The following ST6GAL1 variants were observed in gnomAD, a reference collection of about 807,000 sequenced individuals.
ST6GAL1 encodes the protein beta-galactoside alpha-2,6-sialyltransferase 1.
ST6GAL1 carries 20 observed loss-of-function variants against 38.0 expected under a neutral mutation model. The ratio of observed to expected loss-of-function variants is 0.53; its 90% CI spans 0.37 to 0.77. ST6GAL1 has a LOEUF of 0.77. ST6GAL1 is among the 30% of genes least tolerant of loss of function. The pLI, the probability that ST6GAL1 is intolerant of heterozygous loss-of-function variation, is 0.00. For synonymous variants in ST6GAL1, 196 were observed against 188.2 expected (o/e 1.04, Z -0.34); for missense variants, 432 against 496.4 (o/e 0.87, Z 1.23).
rs763097294 is a variant in ST6GAL1 at position 187,051,330 on chromosome 3, G to A, written c.689G>A (p.Arg230His). Residue 230 changes from arginine to histidine, a missense_variant, in exon 5 of 8, where the codon CGC (arginine) becomes CAC (histidine). Transcript: ENST00000169298. ...QQDVGTKTTI[R>H]LMNSQLVTTE... ...GATGTGGGCACAAAAACTACCATTCGCCTGATGAACTCTCAGGTAAAATTT... is the reference window on the plus strand; with the variant it reads ...GATGTGGGCACAAAAACTACCATTCACCTGATGAACTCTCAGGTAAAATTT... 7 of 1,613,928 alleles carry A rather than the reference G, an allele frequency of 4.3e-6. No individual in the cohort carries two copies. In the African/African-American group the frequency reaches 8.0e-5, roughly 18 times the overall value.
intron 2 of ST6GAL1, among the ~76,000 whole-genome samples, chr3:186,969,051 C>CTTTTTT (rs34520153): frequency 9.0e-5 from 8 of 89,250 alleles, no homozygotes; most frequent in Non-Finnish European, 1.6e-4. Context: ...TTCTCTTTTT[C>CTTTTTT]TTTTTTTTTT....
intron 2 of ST6GAL1, among the ~76,000 whole-genome samples, chr3:186,992,478 C>G (rs1235939085): frequency 6.6e-6 from 1 of 151,948 alleles, no homozygotes; most frequent in Non-Finnish European, 1.5e-5. Context: ...ACAATCATGA[C>G]CTTAAAAAAT....
intron 2 of ST6GAL1, among the ~76,000 whole-genome samples, chr3:187,007,899 C>T (rs763586962): frequency 1.3e-4 from 20 of 151,686 alleles, no homozygotes; most frequent in Non-Finnish European, 2.8e-4. Flanking sequence ...GGCCCAGTAG[C>T]GGAATAAATA....
At position 186,965,570 on chromosome 3, in the gene ST6GAL1, T is replaced by G. The variant is rs536046025; in HGVS notation, c.-183+1644T>G. On this transcript the variant is annotated intron_variant, in intron 2 of 7. Coordinates refer to ENST00000169298, the MANE Select transcript of ST6GAL1 (RefSeq NM_173216.2). ...GGTGGTAAGGTCTACAGAGTCCATC[T>G]GGTCCCACACCCTCATTTTAAGAAC... Among the ~76,000 whole-genome samples the G allele has an allele frequency of 9.8e-5, 15 of 152,346 alleles. No homozygotes were observed. In the East Asian group the frequency reaches 2.9e-3, roughly 29 times the overall value.
At chr3:187,029,711 G>A (rs1717672940) in intron 2 of ST6GAL1, among the ~76,000 whole-genome samples, 1 of 152,226 alleles carries the variant, frequency 6.6e-6, no homozygotes, top group Non-Finnish European at 1.5e-5. Context: ...TCAGTTGCAT[G>A]TTTGCTGGTG....
intron 2 of ST6GAL1, chr3:186,986,347 A>G (rs1461481132): frequency 6.6e-6 from 1 of 152,280 alleles, no homozygotes; most frequent in African/African-American, 2.4e-5. Context: ...TGCCTGGCAC[A>G]TAGTGTTGAA....
chr3:186,946,455 C>G (rs1438523460), intron 1 of ST6GAL1, among the ~76,000 whole-genome samples: 1 of 152,108 alleles, frequency 6.6e-6, no homozygotes, highest in Non-Finnish European at 1.5e-5. Context: ...GGTCACTGCT[C>G]ACTGTAGACT....
intron 2 of ST6GAL1, among the ~76,000 whole-genome samples, chr3:186,980,239 G>C (rs987372322): frequency 2.0e-5 from 3 of 152,086 alleles, no homozygotes; most frequent in African/African-American, 2.4e-5. Context: ...GCCCAGCTGG[G>C]GTGGAGCCTG....
chr3:186,999,360 CG>C (rs1716532799), intron 2 of ST6GAL1, among the ~76,000 whole-genome samples: 1 of 151,532 alleles, frequency 6.6e-6, no homozygotes, highest in Non-Finnish European at 1.5e-5. Context: ...GCAAGACATC[CG>C]GGGAAGAAGT....
Position 187,075,977 on chromosome 3 carries a change from C to T in ST6GAL1, c.*174C>T. On this transcript the variant is annotated 3_prime_UTR_variant, in exon 8 of 8. Transcript: ENST00000169298. This position sits in a 1 kb window ranked among gnomAD's most constrained non-coding sequence, Gnocchi z 4.1. ...CTGTGGTCAGGAAATCAGGTCCAGCCTTCCCTGTAGCCAGACAGTTTATGA... is the reference window on the plus strand; with the variant it reads ...CTGTGGTCAGGAAATCAGGTCCAGCTTTCCCTGTAGCCAGACAGTTTATGA... 1.0e-6 allele frequency: 1 copy of T among 962,316 alleles called. No homozygotes were observed. Among genetic ancestry groups the T allele is most frequent in the Non-Finnish European group, 1.5e-6 (1 of 669,294 alleles). 59.6% of individuals were successfully genotyped at this position (962,316 alleles called of 1,614,324 possible).
intron 2 of ST6GAL1, chr3:187,022,058 C>T (rs1717327616): frequency 6.6e-6 from 1 of 152,210 alleles, no homozygotes; most frequent in African/African-American, 2.4e-5. Flanking sequence ...ATTAATTGAA[C>T]CCACGGAGAG....
intron 4 of ST6GAL1, among the ~76,000 whole-genome samples, chr3:187,050,043 T>C (rs1718454850): frequency 6.6e-6 from 1 of 152,220 alleles, no homozygotes. Context: ...GTTGTTTTCA[T>C]GAATGATGTT....
chr3:186,959,795 A>T (rs1467263974), intron 1 of ST6GAL1, among the ~76,000 whole-genome samples: 5 of 152,276 alleles, frequency 3.3e-5, no homozygotes, highest in Non-Finnish European at 5.9e-5. Flanking sequence ...CACAAGGATC[A>T]ATAAAAGCTC....
chr3:187,005,156 G>A (rs7652995), intron 2 of ST6GAL1, among the ~76,000 whole-genome samples: 131,101 of 152,054 alleles, frequency 0.86, 56,579 homozygotes, highest in East Asian at 0.9. Flanking sequence ...ATCTAGGGAT[G>A]TAGGCGTAAG....
chr3:186,954,561 T>G (rs1714685106), intron 1 of ST6GAL1, among the ~76,000 whole-genome samples: 1 of 152,246 alleles, frequency 6.6e-6, no homozygotes, highest in Admixed American at 6.5e-5. Flanking sequence ...GGTTTTGATT[T>G]GCATTTTTCT....
rs376138364 is a variant in ST6GAL1, at chr3:186,946,032, C to T, written c.-325+15198C>T. Among the ~76,000 whole-genome samples the T allele has an allele frequency of 1.4e-4, 21 of 144,972 alleles. No homozygotes were observed. The East Asian group carries it at 2.9e-3, about 20-fold the overall frequency. On this transcript the variant is annotated intron_variant, in intron 1 of 7. Coordinates refer to ENST00000169298, the MANE Select transcript of ST6GAL1 (RefSeq NM_173216.2). Reference sequence around the variant, plus strand: ...AAGAAGGGTACCTTTTCTGGCCGGGCGCGGTGGCTCATGCCTGTAATCCCA... The same window carrying T: ...AAGAAGGGTACCTTTTCTGGCCGGGTGCGGTGGCTCATGCCTGTAATCCCA...
intron 2 of ST6GAL1, among the ~76,000 whole-genome samples, chr3:186,996,864 C>T (rs550514742): frequency 3.2e-4 from 48 of 151,942 alleles, no homozygotes; most frequent in Admixed American, 2.7e-3. Flanking sequence ...TTGCCCCTCT[C>T]TGCTTGGGTC....
chr3:187,018,525 C>T (rs569643535), intron 2 of ST6GAL1, among the ~76,000 whole-genome samples: 2 of 152,188 alleles, frequency 1.3e-5, no homozygotes, highest in Non-Finnish European at 2.9e-5. Flanking sequence ...GTCTGATGTT[C>T]GAGGGCAGGA....
At chr3:187,070,684 A>AAGTGCTGG (rs1719336274) in intron 5 of ST6GAL1, among the ~76,000 whole-genome samples, 1 of 151,822 alleles carries the variant, frequency 6.6e-6, no homozygotes, top group East Asian at 1.9e-4. Context: ...CGGCCTCCCA[A>AAGTGCTGG]AGTGCTGGGA....
Sources: allele counts gnomAD v4.1 joint callset (sites outside exome capture counted in the v4.1 genomes callset), GRCh38; gene constraint gnomAD v4.1.1; non-coding constraint Gnocchi (gnomAD v3.1); transcripts MANE v1.5; gene names NCBI Gene and HGNC (gene_info 2026-07-23, HGNC 2026-07-21).